Variants in OR6X1 observed in about 807,000 individuals in gnomAD.
The protein encoded by OR6X1 is olfactory receptor family 6 subfamily X member 1.
For missense variants in OR6X1, 354 were observed against 372.2 expected, an observed-to-expected ratio of 0.95 and a Z score of 0.40; for synonymous variants, 160 against 149.8, an observed-to-expected ratio of 1.07 and a Z score of -0.50.
In OR6X1 at chr11:123,754,103, CAG is replaced by C. The variant is rs763909426; in HGVS notation, c.414_415del (p.Cys139ProfsTer31). ...CCAGGAGCTCAGGGCCAGCTGCAGG[CAG>C]AGTTTGCTGGTCATGATGGTGGGGT... is the stretch of plus-strand genomic sequence containing the variant. On this transcript the variant is annotated frameshift_variant, in exon 1 of 1. Coordinates refer to ENST00000327930, the MANE Select transcript of OR6X1 (RefSeq NM_001005188.1). LOFTEE classifies it low-confidence loss of function (END_TRUNC). 9.9e-6 allele frequency: 16 copies of C among 1,614,044 alleles called. No homozygotes were observed. Among genetic ancestry groups the C allele is most frequent in the Middle Eastern group, 1.6e-4 (1 of 6,062 alleles).
In OR6X1 at chr11:123,753,952, G is replaced by A. The variant is rs1311719289; in HGVS notation, c.567C>T (p.Asp189=). ...CGCCCAGGAGTTCCAAAATGCTGGT[G>A]TCTATGCAGGCGGCTTTCAAACTGG... ...VGPSLKAACI[D]TSILELLGVI... Residue 189 remains aspartate (D), a synonymous_variant, in exon 1 of 1, where the codon GAC becomes GAT. Coordinates refer to ENST00000327930, the MANE Select transcript of OR6X1 (RefSeq NM_001005188.1). The A allele has an allele frequency of 6.2e-7, 1 of 1,614,212 alleles. No individual in the cohort carries two copies. Among genetic ancestry groups the A allele is most frequent in the East Asian group, 2.2e-5 (1 of 44,880 alleles).
rs150562903 is a variant in OR6X1, at chr11:123,753,812, A to G, written c.707T>C (p.Phe236Ser). 760 of 1,614,150 alleles carry G rather than the reference A, an allele frequency of 4.7e-4. 3 individuals are homozygous for G. The African/African-American group carries it at 9.1e-3, about 19-fold the overall frequency. Residue 236 changes from phenylalanine to serine, a missense_variant, in exon 1 of 1, where the codon TTC becomes TCC. By Grantham distance (155) the Phe-to-Ser change is radical. Transcript: ENST00000327930. ...TGTCAGGTGCGAGGCACAGGTAGAG[A>G]AAGTCTTTTGGTGGCCAGTGGCTGA... is the stretch of plus-strand genomic sequence containing the variant. ...IPSATGHQKT[F>S]STCASHLTVV...
Position 123,754,282 on chromosome 11 carries a change from C to T in OR6X1, c.237G>A (p.Leu79=). Residue 79 remains leucine (L), a synonymous_variant, in exon 1 of 1, where the codon CTG becomes CTA. Transcript: ENST00000327930. ...IWYTTTVIPK[L]LGTFVVARTV... is the part of the protein sequence containing the mutation. ...TTCTTGCCACTACAAAGGTTCCTAGCAGTTTGGGGATGACTGTGGTGGTGT... is the reference window on the plus strand; with the variant it reads ...TTCTTGCCACTACAAAGGTTCCTAGTAGTTTGGGGATGACTGTGGTGGTGT... 1 of 1,614,086 alleles carries T rather than the reference C, an allele frequency of 6.2e-7. No homozygotes were observed. The highest frequency in any genetic ancestry group is 8.5e-7 in the Non-Finnish European group (1 of 1,179,998).
Position 123,753,990 on chromosome 11 carries a change from A to C in OR6X1, c.529T>G (p.Cys177Gly). Residue 177 changes from cysteine (C) to glycine (G), a missense_variant, in exon 1 of 1, where the codon TGT (cysteine) becomes GGT (glycine). Coordinates refer to ENST00000327930, the MANE Select transcript of OR6X1 (RefSeq NM_001005188.1). The stretch of plus-strand genomic sequence containing the variant: ...GCTTTCAAACTGGGCCCAACATCAC[A>C]GTAGAAATGACTGATAACATTATTG... Reference protein sequence around the residue: ...CGNNVISHFYCDVGPSLKAAC... With the variant: ...CGNNVISHFYGDVGPSLKAAC... 5.6e-6 allele frequency: 9 copies of C among 1,614,228 alleles called. No individual in the cohort carries two copies. Among genetic ancestry groups the C allele is most frequent in the Non-Finnish European group, 6.8e-6 (8 of 1,180,036 alleles).
chr11:123,753,868 G>A lies in OR6X1; in HGVS notation c.651C>T (p.Ile217=). 6.2e-7 allele frequency: 1 copy of A among 1,614,178 alleles called. No individual in the cohort carries two copies. The highest frequency in any genetic ancestry group is 1.3e-5 in the African/African-American group (1 of 75,056). The change falls in exon 1 of 1, where the codon ATC becomes ATT. Residue 217 remains isoleucine, a synonymous_variant. Coordinates refer to ENST00000327930, the MANE Select transcript of OR6X1 (RefSeq NM_001005188.1). ...TTCGTAGGATTGCGGACAGAATGTAGATATAAGAAATCATATTAAAGAGAA... is the reference window on the plus strand; with the variant it reads ...TTCGTAGGATTGCGGACAGAATGTAAATATAAGAAATCATATTAAAGAGAA... ...GSLLFNMISY[I]YILSAILRIP...
rs748725993 is a variant in OR6X1, at chr11:123,753,680, G to A, written c.839C>T (p.Thr280Ile). ...ATAAATAAAGGGATTCAGAAGGGGGGTGAGGATAGTATTTAGCACAGACAC... is the reference window on the plus strand; with the variant it reads ...ATAAATAAAGGGATTCAGAAGGGGGATGAGGATAGTATTTAGCACAGACAC... ...KVVSVLNTIL[T>I]PLLNPFIYTI... The change falls in exon 1 of 1, where the codon ACC becomes ATC. Residue 280 changes from threonine to isoleucine, a missense_variant. Transcript: ENST00000327930. 31 of 1,613,816 alleles carry A rather than the reference G, an allele frequency of 1.9e-5. No individual in the cohort carries two copies. In the South Asian group the frequency reaches 3.1e-4, roughly 16 times the overall value.
chr11:123,754,297 T>G lies in OR6X1; in HGVS notation c.222A>C (p.Thr74=). 6.2e-7 allele frequency: 1 copy of G among 1,614,020 alleles called. No homozygotes were observed. The highest frequency in any genetic ancestry group is 1.1e-5 in the South Asian group (1 of 91,084). Residue 74 remains threonine (T), a synonymous_variant, in exon 1 of 1, where the codon ACA becomes ACC. Coordinates refer to ENST00000327930, the MANE Select transcript of OR6X1 (RefSeq NM_001005188.1). ...LSFLEIWYTT[T]VIPKLLGTFV... ...AGGTTCCTAGCAGTTTGGGGATGAC[T>G]GTGGTGGTGTACCAGATTTCTAAGA...
chr11:123,753,796 C>A lies in OR6X1; in HGVS notation c.723G>T (p.Ser241=). The part of the protein sequence containing the change: ...GHQKTFSTCA[S]HLTVVSLLYG... ...AGAGCAGGGAGACAACTGTCAGGTG[C>A]GAGGCACAGGTAGAGAAAGTCTTTT... is the stretch of plus-strand genomic sequence containing the variant. The change falls in exon 1 of 1, where the codon TCG becomes TCT. Residue 241 remains serine (S), a synonymous_variant. Transcript: ENST00000327930. 1 of 1,613,994 alleles carries A rather than the reference C, an allele frequency of 6.2e-7. No homozygotes were observed. The highest frequency in any genetic ancestry group is 8.5e-7 in the Non-Finnish European group (1 of 1,179,964).
Position 123,754,093 on chromosome 11 carries a change from C to T in OR6X1, c.426G>A (p.Leu142=). 1 of 1,614,070 alleles carries T rather than the reference C, an allele frequency of 6.2e-7. No homozygotes were observed. Among genetic ancestry groups the T allele is most frequent in the South Asian group, 1.1e-5 (1 of 91,076 alleles). ...AGCCCACCACCCAGGAGCTCAGGGC[C>T]AGCTGCAGGCAGAGTTTGCTGGTCA... is the stretch of plus-strand genomic sequence containing the variant. ...TIMTSKLCLQ[L]ALSSWVVGFT... Residue 142 remains leucine, a synonymous_variant, in exon 1 of 1, where the codon CTG becomes CTA. Transcript: ENST00000327930.
In OR6X1 at chr11:123,754,078, C is replaced by T; in HGVS notation, c.441G>A (p.Trp147Ter). Residue 147 changes from tryptophan (W) to a stop codon, truncating the protein, a stop_gained, in exon 1 of 1, where the codon TGG becomes TGA. Coordinates refer to ENST00000327930, the MANE Select transcript of OR6X1 (RefSeq NM_001005188.1). LOFTEE classifies it low-confidence loss of function (END_TRUNC). The stretch of plus-strand genomic sequence containing the variant: ...AAAAGACAATGGTGAAGCCCACCAC[C>T]CAGGAGCTCAGGGCCAGCTGCAGGC... ...KLCLQLALSSWVVGFTIVFCQ... is the reference protein window; with the variant it reads ...KLCLQLALSS 2 of 1,614,094 alleles carry T rather than the reference C, an allele frequency of 1.2e-6. No individual in the cohort carries two copies. The highest frequency in any genetic ancestry group is 2.2e-5 in the South Asian group (2 of 91,078).
Position 123,754,209 on chromosome 11 carries a change from A to T in OR6X1, c.310T>A (p.Phe104Ile). The change falls in exon 1 of 1, where the codon TTC becomes ATC. Residue 104 changes from phenylalanine to isoleucine, a missense_variant. By Grantham distance (21) the Phe-to-Ile change is conservative. Coordinates refer to ENST00000327930, the MANE Select transcript of OR6X1 (RefSeq NM_001005188.1). ...CCLLQAFFHF[F>I]VGTTEFLILT... is the part of the protein sequence containing the mutation. ...ATCAAGAACTCGGTGGTGCCCACGA[A>T]GAAGTGGAAGAAGGCCTGCAGCAGG... is the stretch of plus-strand genomic sequence containing the variant. 1 of 1,614,118 alleles carries T rather than the reference A, an allele frequency of 6.2e-7. No homozygotes were observed. Among genetic ancestry groups the T allele is most frequent in the South Asian group, 1.1e-5 (1 of 91,076 alleles).
chr11:123,753,674 AG>A lies in OR6X1; in HGVS notation c.844del (p.Leu282PhefsTer2). ...AATAGTATAAATAAAGGGATTCAGA[AG>A]GGGGGTGAGGATAGTATTTAGCACA... Reference protein sequence around the residue: ...VSVLNTILTPLLNPFIYTIRN... With the variant: ...VSVLNTILTPXLNPFIYTIRN... On this transcript the variant is annotated frameshift_variant, in exon 1 of 1. Transcript: ENST00000327930. LOFTEE classifies it low-confidence loss of function (END_TRUNC). The A allele has an allele frequency of 4.3e-6, 7 of 1,613,868 alleles. No homozygotes were observed. Among genetic ancestry groups the A allele is most frequent in the Non-Finnish European group, 5.1e-6 (6 of 1,179,888 alleles).
chr11:123,753,846 G>A lies in OR6X1; in HGVS notation c.673C>T (p.Arg225Ter), dbSNP rs143796976. ...TGGTGGCCAGTGGCTGAAGGAATTC[G>A]TAGGATTGCGGACAGAATGTAGATA... The part of the protein sequence containing the change: ...SYIYILSAIL[R>*]IPSATGHQKT... Residue 225 changes from arginine (R) to a stop codon, truncating the protein, a stop_gained, in exon 1 of 1, where the codon CGA becomes TGA. Coordinates refer to ENST00000327930, the MANE Select transcript of OR6X1 (RefSeq NM_001005188.1). LOFTEE classifies it low-confidence loss of function (END_TRUNC). 88 of 1,614,136 alleles carry A rather than the reference G, an allele frequency of 5.5e-5. No individual in the cohort carries two copies. The highest frequency in any genetic ancestry group is 5.3e-4 in the East Asian group (24 of 44,874).
Position 123,753,923 on chromosome 11 carries a change from A to G in OR6X1, c.596T>C (p.Ile199Thr), listed in dbSNP as rs747201775. The change falls in exon 1 of 1, where the codon ATA becomes ACA. Residue 199 changes from isoleucine to threonine, a missense_variant. Coordinates refer to ENST00000327930, the MANE Select transcript of OR6X1 (RefSeq NM_001005188.1). Reference sequence around the variant, plus strand: ...CCCTGGGATCACAAGGATGGTTGCTATGACGCCCAGGAGTTCCAAAATGCT... The same window carrying G: ...CCCTGGGATCACAAGGATGGTTGCTGTGACGCCCAGGAGTTCCAAAATGCT... The part of the protein sequence containing the change: ...DTSILELLGV[I>T]ATILVIPGSL... 7.4e-6 allele frequency: 12 copies of G among 1,614,112 alleles called. No homozygotes were observed. The South Asian group carries it at 7.7e-5, about 10-fold the overall frequency.
rs760377872 is a variant in OR6X1, at chr11:123,754,072, C to T, written c.447G>A (p.Val149=). ...CLQLALSSWV[V]GFTIVFCQTM... ...TCTGACAAAAGACAATGGTGAAGCCCACCACCCAGGAGCTCAGGGCCAGCT... is the reference window on the plus strand; with the variant it reads ...TCTGACAAAAGACAATGGTGAAGCCTACCACCCAGGAGCTCAGGGCCAGCT... The change falls in exon 1 of 1, where the codon GTG becomes GTA. Residue 149 remains valine (V), a synonymous_variant. Transcript: ENST00000327930. 3.1e-6 allele frequency: 5 copies of T among 1,613,960 alleles called. No individual in the cohort carries two copies. In the Admixed American group the frequency reaches 8.3e-5, roughly 27 times the overall value.
Position 123,753,928 on chromosome 11 carries a change from G to T in OR6X1, c.591C>A (p.Gly197=). 1.9e-6 allele frequency: 3 copies of T among 1,614,078 alleles called. No homozygotes were observed. Among genetic ancestry groups the T allele is most frequent in the Non-Finnish European group, 2.5e-6 (3 of 1,179,950 alleles). ...CIDTSILELL[G]VIATILVIPG... ...GGATCACAAGGATGGTTGCTATGAC[G>T]CCCAGGAGTTCCAAAATGCTGGTGT... Residue 197 remains glycine, a synonymous_variant, in exon 1 of 1, where the codon GGC becomes GGA. Transcript: ENST00000327930.
rs181689044 is a variant in OR6X1, at chr11:123,753,855, C to T, written c.664G>A (p.Ala222Thr). The T allele has an allele frequency of 1.4e-5, 23 of 1,613,986 alleles. No homozygotes were observed. Among genetic ancestry groups the T allele is most frequent in the East Asian group, 4.5e-5 (2 of 44,874 alleles). Residue 222 changes from alanine (A) to threonine (T), a missense_variant, in exon 1 of 1, where the codon GCA becomes ACA. Physicochemically the swap from Ala to Thr is moderately conservative, Grantham distance 58 (BLOSUM62 0). Transcript: ENST00000327930. ...GTGGCTGAAGGAATTCGTAGGATTG[C>T]GGACAGAATGTAGATATAAGAAATC... ...NMISYIYILSAILRIPSATGH... is the reference protein window; with the variant it reads ...NMISYIYILSTILRIPSATGH...
Position 123,753,881 on chromosome 11 carries a change from A to C in OR6X1, c.638T>G (p.Met213Arg), listed in dbSNP as rs1565538115. 1 of 1,614,192 alleles carries C rather than the reference A, an allele frequency of 6.2e-7. No individual in the cohort carries two copies. The highest frequency in any genetic ancestry group is 2.2e-5 in the East Asian group (1 of 44,884). ...LVIPGSLLFN[M>R]ISYIYILSAI... Reference sequence around the variant, plus strand: ...GGACAGAATGTAGATATAAGAAATCATATTAAAGAGAAGTGACCCTGGGAT... The same window carrying C: ...GGACAGAATGTAGATATAAGAAATCCTATTAAAGAGAAGTGACCCTGGGAT... The change falls in exon 1 of 1, where the codon ATG (methionine) becomes AGG (arginine). Residue 213 changes from methionine (M) to arginine (R), a missense_variant. Transcript: ENST00000327930.
rs780524747 is a variant in OR6X1 at position 123,753,679 on chromosome 11, G to C, written c.840C>G (p.Thr280=). Residue 280 remains threonine, a synonymous_variant, in exon 1 of 1, where the codon ACC becomes ACG. Coordinates refer to ENST00000327930, the MANE Select transcript of OR6X1 (RefSeq NM_001005188.1). The part of the protein sequence containing the change: ...KVVSVLNTIL[T]PLLNPFIYTI... ...TATAAATAAAGGGATTCAGAAGGGG[G>C]GTGAGGATAGTATTTAGCACAGACA... 15 of 1,613,888 alleles carry C rather than the reference G, an allele frequency of 9.3e-6. No homozygotes were observed. In the South Asian group the frequency reaches 1.5e-4, roughly 17 times the overall value.
Sources: gnomAD v4.1 joint callset for allele counts on GRCh38, gnomAD v4.1.1 for gene constraint, MANE v1.5 for transcripts, NCBI Gene and HGNC (gene_info 2026-07-23, HGNC 2026-07-21) for gene names.